Variants in TIPIN observed in about 807,000 individuals in gnomAD.
TIPIN encodes TIMELESS-interacting protein.
A neutral mutation model predicts 35.6 loss-of-function variants in TIPIN; 29 were observed. The ratio of observed to expected loss-of-function variants is 0.82; its 90% CI spans 0.61 to 1.11. The LOEUF (loss-of-function observed/expected upper bound fraction) is 1.11. TIPIN is among the 50% of genes most tolerant of loss of function. The probability of loss-of-function intolerance (pLI) is 0.00; values close to 1 mark genes in which losing one functional copy is unlikely to be tolerated. For synonymous variants in TIPIN, 102 were observed against 121.5 expected, an observed-to-expected ratio of 0.84 and a Z score of 1.06; for missense variants, 296 against 345.4, an observed-to-expected ratio of 0.86 and a Z score of 1.13.
At chr15:66,363,306 G>A (rs893253427) in intron 1 of TIPIN, among the ~76,000 whole-genome samples, 11 of 151,822 alleles carry the variant, frequency 7.2e-5, no homozygotes, top group Non-Finnish European at 1.3e-4. Flanking sequence ...TCAGGAGTTC[G>A]AGACCAGCCT....
upstream of TIPIN, among the ~76,000 whole-genome samples, chr15:66,360,792 A>G (rs2093227656): frequency 6.6e-6 from 1 of 152,044 alleles, no homozygotes; most frequent in Non-Finnish European, 1.5e-5. Context: ...CATGGTGAAA[A>G]CTCATCTCTA....
intron 6 of TIPIN, among the ~76,000 whole-genome samples, chr15:66,342,053 G>C (rs1295354984): frequency 1.3e-5 from 2 of 151,864 alleles, no homozygotes; most frequent in Non-Finnish European, 2.9e-5. Flanking sequence ...GCATGGTGGC[G>C]CATGCCTATA....
At chr15:66,351,945 C>T (rs915364580) in intron 3 of TIPIN, among the ~76,000 whole-genome samples, 184 bp downstream of exon 3, 1 of 151,952 alleles carries the variant, frequency 6.6e-6, no homozygotes. Context: ...AGCCTAATTT[C>T]AAGTTTTCTA....
At chr15:66,345,166 GCA>G (rs916235780) in intron 6 of TIPIN, among the ~76,000 whole-genome samples, 4 of 152,148 alleles carry the variant, frequency 2.6e-5, no homozygotes, top group Admixed American at 1.3e-4. Flanking sequence ...TGTCATTTGA[GCA>G]CAGTTTGAGG....
intron 1 of TIPIN, among the ~76,000 whole-genome samples, chr15:66,361,837 T>A (rs887628461): frequency 6.7e-6 from 1 of 149,772 alleles, no homozygotes; most frequent in African/African-American, 2.5e-5. Flanking sequence ...GAGAAACCCC[T>A]TCTCTACTGA....
At position 66,337,085 on chromosome 15, in the gene TIPIN, A is replaced by G. The variant is rs3759787; in HGVS notation, c.779T>C (p.Leu260Pro). Residue 260 changes from leucine (L) to proline (P), a missense_variant, in exon 8 of 8, where the codon CTG (leucine) becomes CCG (proline). By Grantham distance (98) the Leu-to-Pro change is moderately conservative. Transcript: ENST00000261881. ...AATAGCATCATTACATGGATTGTCC[A>G]GAATGTCTTCGTTTAATCCATTTGA... ...EESNGLNEDI[L>P]DNPCNDAIAN... The G allele has an allele frequency of 2.9e-4, 463 of 1,614,154 alleles. 1 individual carries two copies. In the East Asian group the frequency reaches 9.8e-3, roughly 34 times the overall value.
At chr15:66,367,795 A>C (rs986185970) in intron 1 of TIPIN, among the ~76,000 whole-genome samples, 1 of 151,532 alleles carries the variant, frequency 6.6e-6, no homozygotes, top group Non-Finnish European at 1.5e-5. Flanking sequence ...TATTATGAGT[A>C]ATGCTGAACC....
chr15:66,363,065 G>A (rs370542550), intron 1 of TIPIN, among the ~76,000 whole-genome samples: 7 of 152,328 alleles, frequency 4.6e-5, no homozygotes, highest in Admixed American at 2.0e-4. Context: ...AGCTGCAAAT[G>A]ATGGGGGGAA....
At chr15:66,382,377 T>C in intron 1 of TIPIN, 1 of 985,232 alleles carries the variant, frequency 1.0e-6, no homozygotes, top group South Asian at 4.7e-5. Context: ...TACTCCTCAA[T>C]TCTTGATATG....
chr15:66,346,986 G>A lies in TIPIN; in HGVS notation c.475+2074C>T, dbSNP rs62627308. ...TTTTTTATTATTTTTTAGTAGAGAC[G>A]GGGTTTCACCATGTTAGCCAGGATG... On this transcript the variant is annotated intron_variant, in intron 6 of 7. Transcript: ENST00000261881. 2.2e-3 allele frequency among the ~76,000 whole-genome samples: 327 copies of A among 151,934 alleles called. 2 individuals carry two copies. Among genetic ancestry groups the A allele is most frequent in the African/African-American group, 7.7e-3 (319 of 41,424 alleles).
At chr15:66,347,106 C>A (rs1006491253) in intron 6 of TIPIN, 19 of 366,812 alleles carry the variant, frequency 5.2e-5, no homozygotes, top group Non-Finnish European at 9.4e-5. Flanking sequence ...AAATCACATT[C>A]CTTTACATGT....
At chr15:66,361,445 C>G (rs1295029889), upstream of TIPIN, among the ~76,000 whole-genome samples, 1 of 150,836 alleles carries the variant, frequency 6.6e-6, no homozygotes, top group Non-Finnish European at 1.5e-5. Flanking sequence ...TTAGTAGAGA[C>G]GGGGTTTCAC....
At chr15:66,365,281 T>A (rs1385425881) in intron 1 of TIPIN, among the ~76,000 whole-genome samples, 1 of 151,954 alleles carries the variant, frequency 6.6e-6, no homozygotes, top group Non-Finnish European at 1.5e-5. Context: ...CATAATACAT[T>A]ATACATAATA....
At chr15:66,355,874 C>T (rs1566978814) in intron 1 of TIPIN, among the ~76,000 whole-genome samples, 1 of 152,042 alleles carries the variant, frequency 6.6e-6, no homozygotes, top group Admixed American at 6.6e-5. Context: ...ATGACAGTAC[C>T]TAAAATATAT....
intron 2 of TIPIN, among the ~76,000 whole-genome samples, 198 bp downstream of exon 2, chr15:66,352,617 T>C (rs1323296549): frequency 1.3e-5 from 2 of 151,828 alleles, no homozygotes; most frequent in African/African-American, 4.8e-5. Context: ...TCTCCTCAAA[T>C]ACCTTTTACC....
At chr15:66,366,868 C>T (rs1006752332) in intron 1 of TIPIN, 18 of 984,770 alleles carry the variant, frequency 1.8e-5, no homozygotes, top group Non-Finnish European at 2.0e-5. Context: ...GAGAGAAATC[C>T]AGGGCAACAG....
Position 66,349,401 on chromosome 15 carries a change from G to A in TIPIN, c.325C>T (p.His109Tyr). The change falls in exon 5 of 8, where the codon CAC (histidine) becomes TAC (tyrosine). Residue 109 changes from histidine (H) to tyrosine (Y), a missense_variant. Transcript: ENST00000261881. ...DLKMLIRHMEHWAHRLFPKLQ... is the reference protein window; with the variant it reads ...DLKMLIRHMEYWAHRLFPKLQ... Reference sequence around the variant, plus strand: ...TTAGGGAATAGCCTATGTGCCCAGTGCTCCATGTGTCTGATTAGCATCTTC... The same window carrying A: ...TTAGGGAATAGCCTATGTGCCCAGTACTCCATGTGTCTGATTAGCATCTTC... The A allele has an allele frequency of 6.2e-7, 1 of 1,613,850 alleles. No homozygotes were observed. Among genetic ancestry groups the A allele is most frequent in the South Asian group, 1.1e-5 (1 of 91,008 alleles).
intron 6 of TIPIN, among the ~76,000 whole-genome samples, chr15:66,347,703 C>T (rs1037411983): frequency 6.6e-6 from 1 of 152,162 alleles, no homozygotes; most frequent in Non-Finnish European, 1.5e-5. Context: ...CCTGCCTCAG[C>T]CTCCTGAGTA....
At chr15:66,346,174 C>A (rs993680134) in intron 6 of TIPIN, among the ~76,000 whole-genome samples, 2 of 151,926 alleles carry the variant, frequency 1.3e-5, no homozygotes, top group African/African-American at 4.8e-5. Context: ...TCTCGAACTC[C>A]TGGCCTCAAG....
Sources: allele counts gnomAD v4.1 joint callset (sites outside exome capture counted in the v4.1 genomes callset), GRCh38; gene constraint gnomAD v4.1.1; transcripts MANE v1.5; gene names NCBI Gene and HGNC (gene_info 2026-07-23, HGNC 2026-07-21).